Variants in TNS1 observed in about 807,000 individuals in gnomAD.
The protein encoded by TNS1 is tensin 1.
A neutral mutation model predicts 168.6 loss-of-function variants in TNS1; 62 were observed. That is an observed-to-expected ratio of 0.37 (90% confidence interval 0.30 to 0.45). The LOEUF (loss-of-function observed/expected upper bound fraction) is 0.45, where lower values mean the gene tolerates loss of function less well. Among genes scored for constraint, TNS1 ranks in the 20% least tolerant of loss-of-function variants. The pLI, the probability that TNS1 is intolerant of heterozygous loss-of-function variation, is 1.00. For missense variants in TNS1, 2,240 were observed against 2,339.4 expected, an observed-to-expected ratio of 0.96 and a Z score of 0.88; for synonymous variants, 934 against 933.2, an observed-to-expected ratio of 1.00 and a Z score of -0.02.
upstream of TNS1, among the ~76,000 whole-genome samples, chr2:218,013,689 T>C (rs1199020621): frequency 6.6e-6 from 1 of 152,106 alleles, no homozygotes; most frequent in African/African-American, 2.4e-5. Context: ...TTAGCACCCC[T>C]GCTTATCCTC....
intron 18 of TNS1, chr2:217,850,283 T>C (rs927871037): frequency 9.3e-5 from 92 of 985,130 alleles, no homozygotes; most frequent in African/African-American, 3.5e-5. Flanking sequence ...GCTTTTCCTA[T>C]GCTGGAGGAT....
chr2:217,990,903 T>A (rs150206625), intron 2 of TNS1, 39 bp downstream of exon 2: 1 of 576,520 alleles, frequency 1.7e-6, no homozygotes, highest in African/African-American at 1.8e-5. Context: ...ATTCCCCTGA[T>A]GGGTGCTCCC....
intron 1 of TNS1, among the ~76,000 whole-genome samples, chr2:217,994,778 C>G (rs560072030): frequency 6.6e-6 from 1 of 152,354 alleles, no homozygotes; most frequent in South Asian, 2.1e-4. Flanking sequence ...GACAGGGCTT[C>G]AGGTCCATCT....
intron 3 of TNS1, among the ~76,000 whole-genome samples, chr2:217,967,876 G>A (rs1382242723): frequency 6.6e-6 from 1 of 152,106 alleles, no homozygotes; most frequent in Non-Finnish European, 1.5e-5. Flanking sequence ...TATCTCTTTC[G>A]AATATAGATG....
chr2:218,002,782 G>A (rs370953475), intron 1 of TNS1, 58 bp downstream of exon 1: 22 of 456,116 alleles, frequency 4.8e-5, no homozygotes, highest in African/African-American at 2.2e-4. Flanking sequence ...GGCAGGGGCC[G>A]GTGGGGGGCG....
intron 3 of TNS1, among the ~76,000 whole-genome samples, chr2:217,974,225 T>C (rs1430055773): frequency 6.6e-6 from 1 of 152,232 alleles, no homozygotes; most frequent in Non-Finnish European, 1.5e-5. Flanking sequence ...TCTATCAGGA[T>C]GTACGTTTGA....
Position 217,978,688 on chromosome 2 carries a change from C to A in TNS1, c.186+77G>T. ...CCGGGCACCGCCCCCGCCCCGCCGGCGCCCCCGCTCCAATCTGGGACCCCG... is the reference window on the plus strand; with the variant it reads ...CCGGGCACCGCCCCCGCCCCGCCGGAGCCCCCGCTCCAATCTGGGACCCCG... On this transcript the variant is annotated intron_variant, in intron 3 of 32. Transcript: ENST00000682258. 4 of 673,112 alleles carry A rather than the reference C, an allele frequency of 5.9e-6. No individual in the cohort carries two copies. The South Asian group carries it at 6.2e-5, about 10-fold the overall frequency. The allele number at this position is 673,112 out of a possible 1,614,324, so 41.7% of individuals were successfully genotyped here.
At chr2:217,953,521 T>C (rs1284140799) in intron 3 of TNS1, among the ~76,000 whole-genome samples, 1 of 152,240 alleles carries the variant, frequency 6.6e-6, no homozygotes, top group African/African-American at 2.4e-5. Context: ...TTCCAAGTAC[T>C]TGGTGGTGGT....
At chr2:217,847,191 G>A (rs1267038901) in intron 19 of TNS1, among the ~76,000 whole-genome samples, 1 of 152,172 alleles carries the variant, frequency 6.6e-6, no homozygotes, top group African/African-American at 2.4e-5. Flanking sequence ...CCAGGCTCTG[G>A]GATCTTGGTC....
intron 3 of TNS1, among the ~76,000 whole-genome samples, chr2:217,976,781 G>T (rs1226143468): frequency 6.6e-6 from 1 of 152,230 alleles, no homozygotes; most frequent in Non-Finnish European, 1.5e-5. Context: ...ACCCTTCACT[G>T]CCCGGAAGTT....
At chr2:217,990,143 T>C (rs1264393760) in intron 2 of TNS1, among the ~76,000 whole-genome samples, 5 of 120,528 alleles carry the variant, frequency 4.1e-5, no homozygotes, top group African/African-American at 1.7e-4. Context: ...CCACAGACCC[T>C]CAAAACACAT....
At chr2:217,823,483 T>A (rs540370353) in intron 22 of TNS1, among the ~76,000 whole-genome samples, 1 of 152,304 alleles carries the variant, frequency 6.6e-6, no homozygotes, top group Admixed American at 6.5e-5. Flanking sequence ...GCAGGGTGCT[T>A]CCAGCCTTTG....
chr2:217,835,762 C>T (rs1945080344), intron 20 of TNS1, among the ~76,000 whole-genome samples: 1 of 152,156 alleles, frequency 6.6e-6, no homozygotes, highest in Non-Finnish European at 1.5e-5. Flanking sequence ...ATTCTTACCA[C>T]CTTATTAAGG....
chr2:217,877,995 G>T (rs1408773802), intron 18 of TNS1, among the ~76,000 whole-genome samples: 2 of 152,208 alleles, frequency 1.3e-5, no homozygotes, highest in African/African-American at 4.8e-5. Context: ...AGGTAGGCAG[G>T]GGGCCACTTT....
chr2:217,940,925 G>A (rs1956878592), intron 3 of TNS1, among the ~76,000 whole-genome samples: 1 of 152,150 alleles, frequency 6.6e-6, no homozygotes, highest in Non-Finnish European at 1.5e-5. Context: ...CCCACCTCAG[G>A]GAAAGCAGGT....
intron 3 of TNS1, among the ~76,000 whole-genome samples, chr2:217,921,379 C>T (rs890890294): frequency 1.2e-4 from 18 of 152,188 alleles, no homozygotes; most frequent in South Asian, 4.1e-4. Context: ...CCCACCAGCC[C>T]GGTGGAGTGG....
At chr2:217,970,719 G>C (rs1575147537) in intron 3 of TNS1, among the ~76,000 whole-genome samples, 1 of 152,154 alleles carries the variant, frequency 6.6e-6, no homozygotes, top group African/African-American at 2.4e-5. Flanking sequence ...TGAGGTCGGG[G>C]AGAGATAGAG....
Position 217,948,158 on chromosome 2 carries a change from G to A in TNS1, c.187-27922C>T, listed in dbSNP as rs1172121941. Among the ~76,000 whole-genome samples the A allele has an allele frequency of 6.6e-6, 1 of 152,236 alleles. No homozygotes were observed. The highest frequency in any genetic ancestry group is 6.5e-5 in the Admixed American group (1 of 15,288). ...GGAGCCAGACTCTCAGGTTCTTACA[G>A]CACTAAGGTGAAGTTCCTCTGAGCT... is the stretch of plus-strand genomic sequence containing the variant. On this transcript the variant is annotated intron_variant, in intron 3 of 32. Transcript: ENST00000682258. This position sits in a 1 kb window ranked among gnomAD's most constrained non-coding sequence, Gnocchi z 4.1.
intron 3 of TNS1, 79 bp from the exon 4 acceptor site, chr2:217,920,315 AC>A: frequency 4.3e-6 from 3 of 698,490 alleles, no homozygotes; most frequent in Admixed American, 2.0e-5. Flanking sequence ...GTCACCCCAC[AC>A]CTCCCCCTGC....
Sources: allele counts gnomAD v4.1 joint callset (sites outside exome capture counted in the v4.1 genomes callset), GRCh38; gene constraint gnomAD v4.1.1; non-coding constraint Gnocchi (gnomAD v3.1); transcripts MANE v1.5; gene names NCBI Gene and HGNC (gene_info 2026-07-23, HGNC 2026-07-21).